PCDH9: variants seen among roughly 807,000 people sequenced by gnomAD.
The protein encoded by PCDH9 is protocadherin 9.
A neutral mutation model predicts 70.6 loss-of-function variants in PCDH9; 24 were observed. The observed-to-expected ratio is 0.34, with a 90% CI of 0.25 to 0.48. The LOEUF is 0.48. Ranked by LOEUF, PCDH9 falls within the 20% of genes least tolerant of loss-of-function variation. The pLI is 0.99. For synonymous variants in PCDH9, 562 were observed against 558.5 expected, an observed-to-expected ratio of 1.01 and a Z score of -0.09; for missense variants, 1,281 against 1,503.6, an observed-to-expected ratio of 0.85 and a Z score of 2.45.
intron 4 of PCDH9, among the ~76,000 whole-genome samples, chr13:66,429,752 C>G (rs1478075329): frequency 6.6e-6 from 1 of 151,964 alleles, no homozygotes; most frequent in Non-Finnish European, 1.5e-5. Flanking sequence ...TTTAAAAGTT[C>G]TTAAGACTGA....
chr13:66,316,492 T>A (rs1955653519), intron 4 of PCDH9, among the ~76,000 whole-genome samples: 1 of 152,162 alleles, frequency 6.6e-6, no homozygotes, highest in African/African-American at 2.4e-5. Flanking sequence ...CTTCTTTCCC[T>A]GTACTTCCCT....
At chr13:67,168,806 A>G (rs566104138) in intron 2 of PCDH9, among the ~76,000 whole-genome samples, 1 of 152,178 alleles carries the variant, frequency 6.6e-6, no homozygotes, top group African/African-American at 2.4e-5. Context: ...AATTACAATC[A>G]TTTAATGGTC....
chr13:67,034,924 T>A (rs771304727), intron 2 of PCDH9, among the ~76,000 whole-genome samples: 48 of 151,706 alleles, frequency 3.2e-4, no homozygotes, highest in Non-Finnish European at 6.5e-4. Flanking sequence ...ACATCATGCC[T>A]ATGAAAAAAA....
At chr13:67,092,961 G>GAA (rs34795610) in intron 2 of PCDH9, among the ~76,000 whole-genome samples, 1 of 150,332 alleles carries the variant, frequency 6.7e-6, no homozygotes, top group Non-Finnish European at 1.5e-5. Flanking sequence ...AAAGAAGGGG[G>GAA]AAAAAAAAAC....
intron 3 of PCDH9, among the ~76,000 whole-genome samples, chr13:66,873,259 T>C (rs1165952110): frequency 6.6e-6 from 1 of 152,148 alleles, no homozygotes; most frequent in East Asian, 1.9e-4. Context: ...CCCTAATATC[T>C]ATAAAAACAT....
At chr13:66,851,928 T>G (rs1381680664) in intron 3 of PCDH9, among the ~76,000 whole-genome samples, 1 of 152,142 alleles carries the variant, frequency 6.6e-6, no homozygotes, top group East Asian at 1.9e-4. Context: ...TTTCCCTTCC[T>G]ACCTTGCATA....
chr13:67,217,248 C>A (rs548286205), intron 2 of PCDH9: 3 of 142,272 alleles, frequency 2.1e-5, no homozygotes, highest in Non-Finnish European at 4.6e-5. Flanking sequence ...CCGTTCTTTT[C>A]TTTATTGAGG....
At chr13:66,965,723 A>G (rs1000891152) in intron 2 of PCDH9, among the ~76,000 whole-genome samples, 26 of 151,954 alleles carry the variant, frequency 1.7e-4, no homozygotes, top group Admixed American at 1.7e-3. Context: ...AATCACAGCA[A>G]CTCATTATGC....
intron 4 of PCDH9, among the ~76,000 whole-genome samples, chr13:66,435,104 C>T (rs140686246): frequency 1.3e-5 from 2 of 152,048 alleles, no homozygotes; most frequent in Non-Finnish European, 2.9e-5. Context: ...GGAAACTGCT[C>T]ACTCTTTAAT....
chr13:66,410,202 TA>T (rs531372773), intron 4 of PCDH9, among the ~76,000 whole-genome samples: 430 of 144,674 alleles, frequency 3.0e-3, no homozygotes, highest in Middle Eastern at 7.2e-3. Flanking sequence ...TTCCTTTTTT[TA>T]AAAAAAAAAA....
intron 3 of PCDH9, among the ~76,000 whole-genome samples, chr13:66,813,771 C>A (rs866350699): frequency 2.6e-5 from 4 of 151,974 alleles, no homozygotes; most frequent in South Asian, 2.1e-4. Flanking sequence ...AATGGTCCTT[C>A]GAGTATTCTT....
At chr13:67,190,241 G>T (rs1438160978) in intron 2 of PCDH9, among the ~76,000 whole-genome samples, 1 of 151,908 alleles carries the variant, frequency 6.6e-6, no homozygotes, top group African/African-American at 2.4e-5. Context: ...ATTATACTAT[G>T]GGTGCTATGC....
intron 3 of PCDH9, among the ~76,000 whole-genome samples, chr13:66,841,561 A>T (rs1190924992): frequency 6.6e-6 from 1 of 152,234 alleles, no homozygotes; most frequent in Non-Finnish European, 1.5e-5. Flanking sequence ...ATAACAATAA[A>T]GAAAACAAGA....
At chr13:66,336,338 G>C (rs1956037494) in intron 4 of PCDH9, among the ~76,000 whole-genome samples, 1 of 151,892 alleles carries the variant, frequency 6.6e-6, no homozygotes, top group Non-Finnish European at 1.5e-5. Context: ...AAGTGGGTAA[G>C]ATTTGGTGCT....
At chr13:66,438,677 T>C (rs1957921288) in intron 4 of PCDH9, among the ~76,000 whole-genome samples, 1 of 152,214 alleles carries the variant, frequency 6.6e-6, no homozygotes, top group African/African-American at 2.4e-5. Flanking sequence ...CAAGCCCACA[T>C]AACACTCCTT....
At chr13:66,400,774 A>G (rs1050860846) in intron 4 of PCDH9, among the ~76,000 whole-genome samples, 8 of 152,236 alleles carry the variant, frequency 5.3e-5, no homozygotes, top group Non-Finnish European at 1.2e-4. Context: ...TACAGCAAAT[A>G]TAATAAAAAG....
At chr13:66,950,056 C>T (rs954867277) in intron 2 of PCDH9, among the ~76,000 whole-genome samples, 3 of 151,876 alleles carry the variant, frequency 2.0e-5, no homozygotes, top group Non-Finnish European at 4.4e-5. Context: ...ACAAGATTAT[C>T]ACATTAAATG....
intron 3 of PCDH9, among the ~76,000 whole-genome samples, chr13:66,755,770 G>C (rs909489906): frequency 6.6e-6 from 1 of 152,014 alleles, no homozygotes; most frequent in East Asian, 1.9e-4. Context: ...AAAAATGTCT[G>C]GGGAAACAAG....
At chr13:66,557,391 T>C (rs566000611) in intron 4 of PCDH9, among the ~76,000 whole-genome samples, 1 of 152,220 alleles carries the variant, frequency 6.6e-6, no homozygotes, top group East Asian at 1.9e-4. Flanking sequence ...ACTGAGACTT[T>C]AAAATGTAAT....
Sources: allele counts gnomAD v4.1 joint callset (sites outside exome capture counted in the v4.1 genomes callset), GRCh38; gene constraint gnomAD v4.1.1; transcripts MANE v1.5; gene names NCBI Gene and HGNC (gene_info 2026-07-23, HGNC 2026-07-21).